The following USP39 variants were observed in gnomAD, a reference collection of about 807,000 sequenced individuals.
The protein encoded by USP39 is ubiquitin carboxyl-terminal hydrolase 39.
Under a neutral mutation model 66.4 loss-of-function variants are expected in USP39, and 38 were observed. That is an observed-to-expected ratio of 0.57 (90% CI 0.44 to 0.75). The LOEUF is 0.75. USP39 is among the 30% of genes least tolerant of loss of function. The pLI, the probability that USP39 is intolerant of heterozygous loss-of-function variation, is 0.00. For missense variants in USP39, 608 were observed against 714.4 expected, an observed-to-expected ratio of 0.85 and a Z score of 1.70; for synonymous variants, 303 against 274.6, an observed-to-expected ratio of 1.10 and a Z score of -1.02.
intron 8 of USP39, among the ~76,000 whole-genome samples, chr2:85,638,788 C>T (rs982730768): frequency 6.0e-5 from 9 of 150,972 alleles, no homozygotes; most frequent in Non-Finnish European, 1.3e-4. Flanking sequence ...CTACCTGCCT[C>T]GGCCTCCCAA....
At chr2:85,648,618 CTG>C (rs911095436) in intron 12 of USP39, 141 bp from the exon 13 acceptor site, 50 of 930,170 alleles carry the variant, frequency 5.4e-5, no homozygotes, top group Middle Eastern at 2.1e-4. Flanking sequence ...GCTGTAGCCA[CTG>C]TAGCAGATTT....
chr2:85,609,480 T>C (rs750775320), upstream of USP39: 1 of 1,614,232 alleles, frequency 6.2e-7, no homozygotes. Flanking sequence ...CTGCCTCGTA[T>C]TCTAAGCAGA....
In USP39 at chr2:85,616,354, G is replaced by C. The variant is rs964702887; in HGVS notation, c.159G>C (p.Glu53Asp). The C allele has an allele frequency of 1.2e-6, 2 of 1,601,632 alleles. No individual in the cohort carries two copies. Among genetic ancestry groups the C allele is most frequent in the African/African-American group, 2.7e-5 (2 of 74,446 alleles). Residue 53 changes from glutamate (E) to aspartate (D), a missense_variant, in exon 1 of 13, where the codon GAG (glutamate) becomes GAC (aspartate). Around this residue, in one of 6 missense-constraint regions of USP39, gnomAD observed 207 missense variants for 145.7 expected, o/e 1.42. Transcript: ENST00000323701. Reference protein sequence around the residue: ...SRGSPVRVKREFEPASAREAP... With the variant: ...SRGSPVRVKRDFEPASAREAP... Reference sequence around the variant, plus strand: ...GCAGCCCTGTGCGCGTGAAGCGGGAGTTCGAGCCGGCGAGCGCGCGCGAGG... The same window carrying C: ...GCAGCCCTGTGCGCGTGAAGCGGGACTTCGAGCCGGCGAGCGCGCGCGAGG...
intron 1 of USP39, among the ~76,000 whole-genome samples, chr2:85,606,235 G>A (rs1420555369): frequency 6.6e-6 from 1 of 152,252 alleles, no homozygotes; most frequent in Non-Finnish European, 1.5e-5. Flanking sequence ...TTCTAAAGCA[G>A]CCTGCTGGGA....
At chr2:85,623,120 G>C (rs1674587214) in intron 3 of USP39, among the ~76,000 whole-genome samples, 1 of 152,110 alleles carries the variant, frequency 6.6e-6, no homozygotes. Context: ...GAATTTGAAT[G>C]GTTAAGGGAG....
chr2:85,641,106 A>G lies in USP39; in HGVS notation c.1415A>G (p.Asn472Ser). The G allele has an allele frequency of 6.2e-7, 1 of 1,612,722 alleles. No individual in the cohort carries two copies. The highest frequency in any genetic ancestry group is 8.5e-7 in the Non-Finnish European group (1 of 1,179,646). ...FFVEKNPTIV[N>S]FPITNVDLRE... is the part of the protein sequence containing the mutation. ...GTTGAGAAGAATCCAACTATTGTCA[A>G]TTTCCCTATTACGTAAGTAACATCC... The change falls in exon 10 of 13, where the codon AAT becomes AGT. Residue 472 changes from asparagine to serine, a missense_variant. Asn to Ser is a conservative substitution (Grantham distance 46). This residue lies in a region of USP39 where 164 missense variants were observed against 250.3 expected (regional missense o/e 0.66). Transcript: ENST00000323701.
chr2:85,605,700 G>A (rs1320485221), intron 1 of USP39, among the ~76,000 whole-genome samples: 1 of 152,164 alleles, frequency 6.6e-6, no homozygotes, highest in East Asian at 1.9e-4. Context: ...TTGTGAGCCT[G>A]CTTGGGATCC....
At chr2:85,603,893 C>G (rs141421586) in intron 1 of USP39, among the ~76,000 whole-genome samples, 72 of 152,198 alleles carry the variant, frequency 4.7e-4, no homozygotes, top group African/African-American at 1.7e-3. Flanking sequence ...GCGCCTGGCC[C>G]GGATGTTTCT....
intron 2 of USP39, 171 bp from the exon 3 acceptor site, chr2:85,621,314 A>G: frequency 1.0e-5 from 6 of 575,758 alleles, no homozygotes; most frequent in Non-Finnish European, 1.9e-5. Flanking sequence ...GCTTTGGAGC[A>G]TGGCGGGTGG....
chr2:85,626,218 G>A (rs756652520), intron 5 of USP39, among the ~76,000 whole-genome samples: 2 of 151,942 alleles, frequency 1.3e-5, no homozygotes, highest in Non-Finnish European at 2.9e-5. Flanking sequence ...AATTAGCCGG[G>A]CTTGGTGGTG....
Position 85,616,321 on chromosome 2 carries a change from C to T in USP39, c.126C>T (p.Ser42=). Residue 42 remains serine, a synonymous_variant, in exon 1 of 13, where the codon AGC becomes AGT. Coordinates refer to ENST00000323701, the MANE Select transcript of USP39 (RefSeq NM_006590.4). ...RDREREPEAA[S]SRGSPVRVKR... is the part of the protein sequence containing the mutation. ...GGGAGCGGGAGCCTGAGGCGGCGAGCTCCCGGGGCAGCCCTGTGCGCGTGA... is the reference window on the plus strand; with the variant it reads ...GGGAGCGGGAGCCTGAGGCGGCGAGTTCCCGGGGCAGCCCTGTGCGCGTGA... The T allele has an allele frequency of 6.3e-7, 1 of 1,586,462 alleles. No homozygotes were observed. Among genetic ancestry groups the T allele is most frequent in the Non-Finnish European group, 8.6e-7 (1 of 1,165,570 alleles).
chr2:85,622,112 G>A (rs1223887954), intron 3 of USP39, among the ~76,000 whole-genome samples: 1 of 151,160 alleles, frequency 6.6e-6, no homozygotes, highest in Non-Finnish European at 1.5e-5. Context: ...GAGCCACCGC[G>A]CCCGGCCTAA....
At chr2:85,608,792 G>T, upstream of USP39, 1 of 862,108 alleles carries the variant, frequency 1.2e-6, no homozygotes, top group Non-Finnish European at 1.7e-6. Context: ...CTGCAAGGCA[G>T]GCCAGGTGTA....
upstream of USP39, chr2:85,611,409 C>T: frequency 6.7e-7 from 1 of 1,502,366 alleles, no homozygotes; most frequent in East Asian, 2.5e-5. Flanking sequence ...AAATACAGCA[C>T]GGTGGGGCAA....
intron 7 of USP39, among the ~76,000 whole-genome samples, chr2:85,636,496 C>G (rs776249162): frequency 7.9e-5 from 12 of 151,966 alleles, no homozygotes; most frequent in Non-Finnish European, 1.5e-4. Flanking sequence ...GGTTATAGTC[C>G]CAATGATATT....
chr2:85,643,752 A>G lies in USP39; in HGVS notation c.1428-1196A>G, dbSNP rs192066403. Among the ~76,000 whole-genome samples the G allele has an allele frequency of 6.9e-3, 1,040 of 151,236 alleles. 13 individuals are homozygous for G. Among genetic ancestry groups the G allele is most frequent in the African/African-American group, 0.024 (986 of 41,202 alleles). ...AACCTTCGCCTCCTGGGTTCAAGCA[A>G]TTCTCCTGCCTCAGCCTCCGGAATA... On this transcript the variant is annotated intron_variant, in intron 10 of 12. Coordinates refer to ENST00000323701, the MANE Select transcript of USP39 (RefSeq NM_006590.4).
intron 8 of USP39, among the ~76,000 whole-genome samples, 200 bp downstream of exon 8, chr2:85,637,636 T>C (rs1243120347): frequency 6.6e-6 from 1 of 152,202 alleles, no homozygotes; most frequent in Non-Finnish European, 1.5e-5. Context: ...TTGGATGTAC[T>C]GTGCTGGTTT....
intron 2 of USP39, among the ~76,000 whole-genome samples, chr2:85,619,564 G>C (rs1191972918): frequency 2.0e-5 from 3 of 149,130 alleles, no homozygotes; most frequent in Middle Eastern, 3.4e-3. Context: ...GGAGTATCTA[G>C]TATGTGCTGG....
chr2:85,643,667 A>C (rs1444349708), intron 10 of USP39, among the ~76,000 whole-genome samples: 1 of 137,176 alleles, frequency 7.3e-6, no homozygotes, highest in Admixed American at 7.6e-5. Flanking sequence ...TTTTTTTTGG[A>C]GATGGAGTCT....
Sources: allele counts gnomAD v4.1 joint callset (sites outside exome capture counted in the v4.1 genomes callset), GRCh38; gene constraint gnomAD v4.1.1; regional missense constraint gnomAD v4.1.1; transcripts MANE v1.5; gene names NCBI Gene and HGNC (gene_info 2026-07-23, HGNC 2026-07-21).